CDH4: variants seen among roughly 807,000 people sequenced by gnomAD.
The protein encoded by CDH4 is cadherin 4.
In CDH4, 33 loss-of-function variants were observed where a neutral mutation model predicts 86.0. The ratio of observed to expected loss-of-function variants is 0.38; its 90% CI spans 0.29 to 0.51. The LOEUF is 0.51. Among genes scored for constraint, CDH4 ranks in the 20% least tolerant of loss-of-function variants. CDH4 has a pLI of 0.86. For synonymous variants in CDH4, 555 were observed against 549.4 expected (o/e 1.01, Z -0.14); for missense variants, 1,114 against 1,307.4 (o/e 0.85, Z 2.28).
Position 61,772,554 on chromosome 20 carries a change from A to G in CDH4, c.397-449A>G, listed in dbSNP as rs139536433. Reference sequence around the variant, plus strand: ...AAGAGTGCTTTATATGGTGACTATTAACCTTGTGTCAAATTGTTGTAAATC... The same window carrying G: ...AAGAGTGCTTTATATGGTGACTATTGACCTTGTGTCAAATTGTTGTAAATC... On this transcript the variant is annotated intron_variant, in intron 3 of 15. Transcript: ENST00000614565. Among the ~76,000 whole-genome samples, 876 of 152,278 alleles carry G rather than the reference A, an allele frequency of 5.8e-3. 4 individuals are homozygous for G. Among genetic ancestry groups the G allele is most frequent in the Non-Finnish European group, 0.01 (694 of 68,012 alleles).
At chr20:61,306,870 C>T (rs1044698849) in intron 2 of CDH4, among the ~76,000 whole-genome samples, 1 of 152,168 alleles carries the variant, frequency 6.6e-6, no homozygotes, top group African/African-American at 2.4e-5. Flanking sequence ...CCCCACTTCA[C>T]CTGTACGCCT....
At chr20:61,385,455 G>A (rs57819229) in intron 2 of CDH4, among the ~76,000 whole-genome samples, 4 of 151,276 alleles carry the variant, frequency 2.6e-5, no homozygotes, top group Admixed American at 2.0e-4. Context: ...AATCCCCGCC[G>A]CCCCCCGCCC....
In CDH4 at chr20:61,252,815, G is replaced by A. The variant is rs1020339937; in HGVS notation, c.57+245G>A. Among the ~76,000 whole-genome samples the A allele has an allele frequency of 4.0e-5, 6 of 151,652 alleles. No homozygotes were observed. The highest frequency in any genetic ancestry group is 7.4e-5 in the Non-Finnish European group (5 of 67,810). On this transcript the variant is annotated intron_variant, in intron 1 of 15. Coordinates refer to ENST00000614565, the MANE Select transcript of CDH4 (RefSeq NM_001794.5). The surrounding 1 kb of genome is among the most constrained non-coding windows in gnomAD (Gnocchi z 4.4). ...AGTGGGGCTCGGTGGAGGACCCGGG[G>A]AGCTCCGCCTGCACCGGACCCGCCG...
chr20:61,720,301 C>T (rs1022269167), intron 2 of CDH4, among the ~76,000 whole-genome samples: 4 of 152,152 alleles, frequency 2.6e-5, no homozygotes, highest in African/African-American at 4.8e-5. Context: ...CATCCTGCTC[C>T]GGATTCCACA....
chr20:61,910,608 G>A lies in CDH4; in HGVS notation c.1374+1G>A, dbSNP rs1340750017. On this transcript the variant is annotated splice_donor_variant, in intron 9 of 15. Coordinates refer to ENST00000614565, the MANE Select transcript of CDH4 (RefSeq NM_001794.5). LOFTEE classifies it high-confidence loss of function. ...CGAGGGCATGGTCACCGTGGTGAAGGTGCGTACTCTTCTCACACCCTGCCA... is the reference window on the plus strand; with the variant it reads ...CGAGGGCATGGTCACCGTGGTGAAGATGCGTACTCTTCTCACACCCTGCCA... The A allele has an allele frequency of 6.2e-7, 1 of 1,611,810 alleles. No individual in the cohort carries two copies.
chr20:61,279,122 C>T (rs188698030), intron 2 of CDH4, among the ~76,000 whole-genome samples: 1 of 152,344 alleles, frequency 6.6e-6, no homozygotes, highest in East Asian at 1.9e-4. Flanking sequence ...TTCCTGAGAG[C>T]TGCCCCATTA....
intron 2 of CDH4, among the ~76,000 whole-genome samples, chr20:61,472,805 A>C (rs928799560): frequency 6.6e-6 from 1 of 152,210 alleles, no homozygotes; most frequent in Non-Finnish European, 1.5e-5. Context: ...ATACTGCTGA[A>C]TGTATGTAGA....
At chr20:61,580,831 C>T (rs573262623) in intron 2 of CDH4, among the ~76,000 whole-genome samples, 1 of 152,296 alleles carries the variant, frequency 6.6e-6, no homozygotes, top group East Asian at 1.9e-4. Context: ...ACTGTGTTCA[C>T]GTGGATGATG....
chr20:61,471,032 T>C (rs983048869), intron 2 of CDH4, among the ~76,000 whole-genome samples: 2 of 152,098 alleles, frequency 1.3e-5, no homozygotes, highest in Non-Finnish European at 2.9e-5. Context: ...GGTGTGGTAT[T>C]AGGGTAATAC....
intron 2 of CDH4, among the ~76,000 whole-genome samples, chr20:61,306,392 C>T (rs2084417657): frequency 6.6e-6 from 1 of 151,782 alleles, no homozygotes; most frequent in Non-Finnish European, 1.5e-5. Context: ...GGCTGGAGTA[C>T]AGTGGCACGA....
intron 2 of CDH4, among the ~76,000 whole-genome samples, chr20:61,690,780 T>C (rs912040508): frequency 3.9e-5 from 6 of 152,064 alleles, no homozygotes; most frequent in African/African-American, 1.4e-4. Context: ...TTGGGGAGTT[T>C]GGTGATGGCA....
intron 2 of CDH4, among the ~76,000 whole-genome samples, chr20:61,547,495 T>C (rs1294443477): frequency 6.6e-6 from 1 of 150,732 alleles, no homozygotes; most frequent in East Asian, 2.0e-4. Context: ...ATTACAGGCA[T>C]GAGCCACCGT....
intron 2 of CDH4, among the ~76,000 whole-genome samples, chr20:61,310,350 C>T (rs1440311105): frequency 6.6e-6 from 1 of 152,170 alleles, no homozygotes; most frequent in Non-Finnish European, 1.5e-5. Context: ...TTTTTGGCAC[C>T]AGGGACCAGT....
At chr20:61,920,396 TTGTG>T (rs1317660382) in intron 9 of CDH4, among the ~76,000 whole-genome samples, 28 of 125,966 alleles carry the variant, frequency 2.2e-4, no homozygotes, top group Non-Finnish European at 4.2e-4. Flanking sequence ...GTCGCGGTGA[TTGTG>T]TGGAAGTGTG....
rs553715902 is a variant in CDH4 at position 61,527,454 on chromosome 20, T to C, written c.170-216109T>C. The stretch of plus-strand genomic sequence containing the variant: ...TAGTAGAGACAGGGTTTCACCCTGA[T>C]GGCTAGGCTGTCCTCAAACTCCTGA... On this transcript the variant is annotated intron_variant, in intron 2 of 15. Transcript: ENST00000614565. Among the ~76,000 whole-genome samples, 20 of 152,326 alleles carry C rather than the reference T, an allele frequency of 1.3e-4. No individual in the cohort carries two copies. The East Asian group carries it at 3.9e-3, about 29-fold the overall frequency.
At chr20:61,858,881 G>T (rs1983191597) in intron 6 of CDH4, among the ~76,000 whole-genome samples, 1 of 152,130 alleles carries the variant, frequency 6.6e-6, no homozygotes, top group African/African-American at 2.4e-5. Context: ...ATTCCTGCAT[G>T]GGGTCTCGTG....
chr20:61,560,415 A>G (rs2086208072), intron 2 of CDH4, among the ~76,000 whole-genome samples: 2 of 152,218 alleles, frequency 1.3e-5, no homozygotes, highest in Admixed American at 6.5e-5. Flanking sequence ...GGAGTTTTGC[A>G]TTGATTTAAG....
chr20:61,783,447 C>A (rs1978651901), intron 4 of CDH4, among the ~76,000 whole-genome samples: 1 of 152,228 alleles, frequency 6.6e-6, no homozygotes, highest in Non-Finnish European at 1.5e-5. Context: ...GAAATGTAAT[C>A]CCAGTTCCTT....
intron 2 of CDH4, among the ~76,000 whole-genome samples, chr20:61,364,203 A>C (rs1430310497): frequency 6.6e-6 from 1 of 152,140 alleles, no homozygotes; most frequent in Non-Finnish European, 1.5e-5. Context: ...CTGAGGATTT[A>C]GGAGGGTTTT....
Sources: allele counts gnomAD v4.1 joint callset (sites outside exome capture counted in the v4.1 genomes callset), GRCh38; gene constraint gnomAD v4.1.1; non-coding constraint Gnocchi (gnomAD v3.1); transcripts MANE v1.5; gene names NCBI Gene and HGNC (gene_info 2026-07-23, HGNC 2026-07-21).